MBP: variants seen among roughly 807,000 people sequenced by gnomAD.
The protein encoded by MBP is myelin basic protein.
In MBP, 16 loss-of-function variants were observed where a neutral mutation model predicts 35.8. The ratio of observed to expected loss-of-function variants is 0.45; its 90% CI spans 0.30 to 0.68. MBP has a LOEUF of 0.68. Among genes scored for constraint, MBP ranks in the 30% least tolerant of loss-of-function variants. The pLI is 0.08. For missense variants in MBP, 380 were observed against 404.7 expected, an observed-to-expected ratio of 0.94 and a Z score of 0.52; for synonymous variants, 143 against 159.6, an observed-to-expected ratio of 0.90 and a Z score of 0.78.
intron 8 of MBP, chr18:76,980,706 C>T (rs542371917): frequency 1.8e-6 from 1 of 548,166 alleles, no homozygotes; most frequent in African/African-American, 1.9e-5. Flanking sequence ...ATTCCCAGGC[C>T]CCAGGGAGTG....
At chr18:76,984,665 G>C (rs555052687) in intron 8 of MBP, 110 bp downstream of exon 8, 2 of 1,466,202 alleles carry the variant, frequency 1.4e-6, no homozygotes, top group African/African-American at 2.8e-5. Context: ...GCACGTCCAG[G>C]GTACAGTGCG....
In MBP at chr18:76,988,245, A is replaced by T. The variant is rs764505456; in HGVS notation, c.750+250T>A. 315 of 1,550,024 alleles carry T rather than the reference A, an allele frequency of 2.0e-4. No homozygotes were observed. In the African/African-American group the frequency reaches 3.9e-3, roughly 19 times the overall value. ...ACGTCGCCTGGGAACCCTCTGGGAG[A>T]AGAGGATCTGGCCTTGCAGGGCTGG... On this transcript the variant is annotated intron_variant, in intron 7 of 8. Transcript: ENST00000355994. This position sits in a 1 kb window ranked among gnomAD's most constrained non-coding sequence, Gnocchi z 5.2.
At chr18:76,986,055 G>A (rs1190395931) in intron 7 of MBP, 42 of 985,610 alleles carry the variant, frequency 4.3e-5, no homozygotes, top group East Asian at 2.3e-4. Flanking sequence ...GAAGGAGCTC[G>A]CTGTGGGAGT....
chr18:77,059,850 A>G (rs1284448196), intron 3 of MBP, among the ~76,000 whole-genome samples: 1 of 152,250 alleles, frequency 6.6e-6, no homozygotes, highest in Non-Finnish European at 1.5e-5. Context: ...GGCCAATGTG[A>G]AGGACATGAA....
intron 4 of MBP, chr18:77,005,825 C>T (rs1031539348): frequency 2.0e-5 from 3 of 152,398 alleles, no homozygotes; most frequent in African/African-American, 4.8e-5. Flanking sequence ...CAGAATAGCA[C>T]GAGTGTGGAG....
chr18:77,021,964 C>T (rs1599085751), intron 3 of MBP, among the ~76,000 whole-genome samples: 1 of 152,210 alleles, frequency 6.6e-6, no homozygotes, highest in South Asian at 2.1e-4. Context: ...GAGGGGAGGG[C>T]ACCAGTTCTG....
intron 7 of MBP, chr18:76,985,372 G>A (rs1179701304): frequency 7.9e-7 from 1 of 1,266,680 alleles, no homozygotes; most frequent in Non-Finnish European, 1.0e-6. Context: ...GGCTCCTTTT[G>A]CTGATTGATT....
At chr18:77,119,031 C>A (rs1319918802) in intron 1 of MBP, among the ~76,000 whole-genome samples, 2 of 70,390 alleles carry the variant, frequency 2.8e-5, no homozygotes, top group Admixed American at 3.6e-4. Flanking sequence ...CCGGCAGACA[C>A]ACTTTCCCTT....
In MBP at chr18:77,132,728, G is replaced by A. The variant is rs1486376528; in HGVS notation, c.-174C>T. 6.6e-6 allele frequency: 1 copy of A among 151,786 alleles called. No homozygotes were observed. The highest frequency in any genetic ancestry group is 1.5e-5 in the Non-Finnish European group (1 of 68,006). The allele number at this position is 151,786 out of a possible 1,614,324, so 9.4% of individuals were successfully genotyped here. On this transcript the variant is annotated 5_prime_UTR_variant, in exon 1 of 9. Transcript: ENST00000355994. The stretch of plus-strand genomic sequence containing the variant: ...CCTGCTTCGCCTTCCGGGGTCGGGA[G>A]ACAGGGGCCGCCGGGGCCGGAGGCT...
intron 3 of MBP, among the ~76,000 whole-genome samples, chr18:77,049,642 A>G (rs1568312770): frequency 2.0e-5 from 3 of 152,194 alleles, no homozygotes; most frequent in Admixed American, 1.3e-4. Flanking sequence ...TTATTTACTC[A>G]TCATTGGATA....
intron 4 of MBP, among the ~76,000 whole-genome samples, chr18:77,011,897 C>T (rs571555170): frequency 9.8e-5 from 15 of 152,298 alleles, no homozygotes; most frequent in Middle Eastern, 6.8e-3. Context: ...GTGATTTTCA[C>T]GAGTGCTATT....
intron 2 of MBP, among the ~76,000 whole-genome samples, chr18:77,081,856 A>T (rs558957115): frequency 0.045 from 6,052 of 133,992 alleles, 336 homozygotes; most frequent in African/African-American, 0.11. Context: ...ATATATATAT[A>T]TTTTTTTTTT....
intron 3 of MBP, among the ~76,000 whole-genome samples, chr18:77,022,113 G>C (rs546732753): frequency 6.6e-6 from 1 of 152,300 alleles, no homozygotes; most frequent in South Asian, 2.1e-4. Context: ...AAATCATCTG[G>C]GTTGAGAAAC....
At position 77,130,516 on chromosome 18, in the gene MBP, C is replaced by T. The variant is rs144281417; in HGVS notation, c.-26+2064G>A. ...GAGAGTCTGGCAACGTGCAAGCAGT[C>T]GATAAACACTCCCAGGCGACAGAAA... On this transcript the variant is annotated intron_variant, in intron 1 of 8. Coordinates refer to ENST00000355994, the MANE Select transcript of MBP (RefSeq NM_001025101.2). 6.3e-4 allele frequency among the ~76,000 whole-genome samples: 96 copies of T among 151,898 alleles called. 1 individual carries two copies. Among genetic ancestry groups the T allele is most frequent in the African/African-American group, 2.2e-3 (91 of 41,242 alleles).
intron 2 of MBP, among the ~76,000 whole-genome samples, chr18:77,100,030 A>G (rs1035488620): frequency 6.6e-6 from 1 of 152,146 alleles, no homozygotes; most frequent in African/African-American, 2.4e-5. Context: ...GGGTTTATCA[A>G]GTAACACATG....
intron 2 of MBP, among the ~76,000 whole-genome samples, chr18:77,087,981 C>T (rs1171902432): frequency 1.3e-5 from 2 of 152,074 alleles, no homozygotes; most frequent in African/African-American, 4.8e-5. Flanking sequence ...GCGGGAGGAG[C>T]AGGCAGGTTC....
intron 4 of MBP, among the ~76,000 whole-genome samples, chr18:76,994,336 G>A (rs1236538392): frequency 5.9e-5 from 9 of 152,122 alleles, no homozygotes; most frequent in African/African-American, 2.2e-4. Flanking sequence ...AACATTTCTG[G>A]CCTTTAAATC....
intron 1 of MBP, among the ~76,000 whole-genome samples, chr18:77,132,078 CGCCCTGGCA>C (rs1382180316): frequency 1.3e-5 from 2 of 152,116 alleles, no homozygotes; most frequent in African/African-American, 4.8e-5. Flanking sequence ...CCCCCCAGCC[CGCCCTGGCA>C]GCCAGCACCC....
intron 3 of MBP, among the ~76,000 whole-genome samples, chr18:77,052,461 C>T (rs143749994): frequency 6.6e-6 from 1 of 152,166 alleles, no homozygotes; most frequent in African/African-American, 2.4e-5. Context: ...GCTATTTGTG[C>T]CATTGTAAGG....
Sources: gnomAD v4.1 joint callset for allele counts (sites outside exome capture counted in the v4.1 genomes callset) on GRCh38, gnomAD v4.1.1 for gene constraint, Gnocchi (gnomAD v3.1) non-coding constraint, MANE v1.5 for transcripts, NCBI Gene and HGNC (gene_info 2026-07-23, HGNC 2026-07-21) for gene names.